Variants in STARD9 observed in about 807,000 individuals in gnomAD.
STARD9 encodes the protein stAR-related lipid transfer protein 9.
Under a neutral mutation model 399.8 loss-of-function variants are expected in STARD9, and 346 were observed. That is an observed-to-expected ratio of 0.87 (90% CI 0.79 to 0.95). The LOEUF is 0.95. STARD9 is among the 40% of genes least tolerant of loss of function. The pLI is 0.00. For synonymous variants in STARD9, 2,203 were observed against 2,143.5 expected, an observed-to-expected ratio of 1.03 and a Z score of -0.77; for missense variants, 5,832 against 5,667.5, an observed-to-expected ratio of 1.03 and a Z score of -0.93.
chr15:42,685,950 C>T lies in STARD9; in HGVS notation c.4372C>T (p.His1458Tyr). ...MTQQGSSEAS[H>Y]NSSVSNVLAA... ...CCAGCAGGGCAGCTCTGAAGCATCC[C>T]ACAATTCTAGCGTATCAAACGTGCT... The change falls in exon 23 of 33, where the codon CAC becomes TAC. Residue 1458 changes from histidine to tyrosine, a missense_variant. Coordinates refer to ENST00000290607, the MANE Select transcript of STARD9 (RefSeq NM_020759.3). The T allele has an allele frequency of 1.3e-6, 2 of 1,537,186 alleles. No individual in the cohort carries two copies. Among genetic ancestry groups the T allele is most frequent in the Non-Finnish European group, 1.7e-6 (2 of 1,146,914 alleles).
In STARD9 at chr15:42,707,797, G is replaced by T. The variant is rs188247542; in HGVS notation, c.13285-8880G>T. Among the ~76,000 whole-genome samples, 392 of 152,042 alleles carry T rather than the reference G, an allele frequency of 2.6e-3. 1 individual carries two copies. The highest frequency in any genetic ancestry group is 6.8e-3 in the Middle Eastern group (2 of 294). On this transcript the variant is annotated intron_variant, in intron 26 of 32. Transcript: ENST00000290607. Reference sequence around the variant, plus strand: ...ACAACATACACAACAATCACTTTTTGCAAGAACACATACAAACAAAAAGAT... The same window carrying T: ...ACAACATACACAACAATCACTTTTTTCAAGAACACATACAAACAAAAAGAT...
intron 7 of STARD9, among the ~76,000 whole-genome samples, chr15:42,642,391 A>G (rs1595693005): frequency 6.6e-6 from 1 of 152,384 alleles, no homozygotes; most frequent in East Asian, 1.9e-4. Flanking sequence ...GGCCTGCCCA[A>G]AGCACACATA....
At position 42,638,050 on chromosome 15, in the gene STARD9, T is replaced by G. The variant is rs1479895143; in HGVS notation, c.409T>G (p.Cys137Gly). ...GGGTCTCTTCGTCAGGGAGAAAGAC[T>G]GTGCCTCACTGCCTTCCTCCTGTAG... The part of the protein sequence containing the change: ...CEGLFVREKD[C>G]ASLPSSCRIK... Residue 137 changes from cysteine (C) to glycine (G), a missense_variant, in exon 6 of 33, where the codon TGT becomes GGT. Cys to Gly is a radical substitution (Grantham distance 159). This residue lies in a region of STARD9 where 5,828 missense variants were observed against 5,651.1 expected (regional missense o/e 1.03). Coordinates refer to ENST00000290607, the MANE Select transcript of STARD9 (RefSeq NM_020759.3). 6.5e-7 allele frequency: 1 copy of G among 1,537,338 alleles called. No homozygotes were observed. Among genetic ancestry groups the G allele is most frequent in the Admixed American group, 2.0e-5 (1 of 50,988 alleles).
intron 1 of STARD9, chr15:42,581,531 G>C (rs2058169935): frequency 1.5e-6 from 2 of 1,323,264 alleles, no homozygotes; most frequent in Non-Finnish European, 2.1e-6. Flanking sequence ...CGGGTAGGCG[G>C]CGGCGCCGGG....
rs552989394 is a variant in STARD9, at chr15:42,578,882, T to C, written c.47+3120T>C. ...CAAAGTTCTGCAGACATCCTTCCTTTCTTCTTTCTAAAATGTGTTCACAAA... is the reference window on the plus strand; with the variant it reads ...CAAAGTTCTGCAGACATCCTTCCTTCCTTCTTTCTAAAATGTGTTCACAAA... On this transcript the variant is annotated intron_variant, in intron 1 of 32. Coordinates refer to ENST00000290607, the MANE Select transcript of STARD9 (RefSeq NM_020759.3). Among the ~76,000 whole-genome samples, 75 of 152,276 alleles carry C rather than the reference T, an allele frequency of 4.9e-4. No homozygotes were observed. In the South Asian group the frequency reaches 0.014, roughly 29 times the overall value.
At chr15:42,695,975 G>T in intron 26 of STARD9, 95 bp downstream of exon 26, 3 of 1,369,550 alleles carry the variant, frequency 2.2e-6, no homozygotes, top group Non-Finnish European at 2.9e-6. Context: ...TGGGCAAGAC[G>T]CCGTGCCTCC....
At chr15:42,581,513 T>A in intron 1 of STARD9, 1 of 1,443,456 alleles carries the variant, frequency 6.9e-7, no homozygotes, top group South Asian at 1.2e-5. Flanking sequence ...GCTCTGGGCT[T>A]TGTGTGGCGG....
chr15:42,714,771 C>T (rs937606882), intron 26 of STARD9, among the ~76,000 whole-genome samples: 1 of 152,048 alleles, frequency 6.6e-6, no homozygotes, highest in African/African-American at 2.4e-5. Flanking sequence ...TATACTCCTC[C>T]ATCTCCCAGT....
rs1296296117 is a variant in STARD9 at position 42,691,851 on chromosome 15, T to C, written c.10273T>C (p.Trp3425Arg). ...HMPTPDFTTS[W>R]MSGTLEQAQQ... ...GCCAACCCCTGATTTCACGACCAGC[T>C]GGATGTCTGGTACTTTGGAACAAGC... The change falls in exon 23 of 33, where the codon TGG becomes CGG. Residue 3425 changes from tryptophan (W) to arginine (R), a missense_variant. Trp to Arg is a moderately radical substitution (Grantham distance 101). Coordinates refer to ENST00000290607, the MANE Select transcript of STARD9 (RefSeq NM_020759.3). 3 of 1,537,234 alleles carry C rather than the reference T, an allele frequency of 2.0e-6. No homozygotes were observed. The highest frequency in any genetic ancestry group is 2.6e-6 in the Non-Finnish European group (3 of 1,146,896).
chr15:42,591,326 A>G (rs888994043), intron 3 of STARD9, among the ~76,000 whole-genome samples: 3 of 152,204 alleles, frequency 2.0e-5, no homozygotes, highest in Non-Finnish European at 2.9e-5. Context: ...TGTCTCTACT[A>G]AAGATACAGA....
chr15:42,625,645 C>CTGTTT lies in STARD9; in HGVS notation c.235-9210_235-9209insGTTTT, dbSNP rs757765153. Among the ~76,000 whole-genome samples, 3 of 24,284 alleles carry CTGTTT rather than the reference C, an allele frequency of 1.2e-4. No individual in the cohort carries two copies. The Admixed American group carries it at 1.8e-3, about 15-fold the overall frequency. The allele number at this position is 24,284 out of a possible 152,430, so 15.9% of individuals were successfully genotyped here. A position where few individuals can be genotyped will look rare whatever the true frequency, so the allele number is the denominator to read the frequency against. On this transcript the variant is annotated intron_variant, in intron 3 of 32. Transcript: ENST00000290607. ...ATGCCTGGCTGCTATTTTCTTCTTCCTATTTTTTTTTTTTTTTAGGTAGAT... is the reference window on the plus strand; with the variant it reads ...ATGCCTGGCTGCTATTTTCTTCTTCCTGTTTTATTTTTTTTTTTTTTTAGGTAGAT...
At chr15:42,601,287 G>A (rs1197545) in intron 3 of STARD9, among the ~76,000 whole-genome samples, 117,657 of 152,076 alleles carry the variant, frequency 0.77, 46,886 homozygotes, top group Non-Finnish European at 0.88. Context: ...CACAGTAACA[G>A]TCTGATCTCT....
At position 42,719,527 on chromosome 15, in the gene STARD9, C is replaced by A. The variant is rs939420701; in HGVS notation, c.14056C>A (p.Arg4686=). 1.3e-6 allele frequency: 2 copies of A among 1,537,074 alleles called. No homozygotes were observed. Among genetic ancestry groups the A allele is most frequent in the East Asian group, 2.4e-5 (1 of 40,926 alleles). ...PPQLLSSFIK[R]QPLVIARLAS... ...TCAGCTCCTGAGCTCTTTCATCAAA[C>A]GGCAGCCACTGGTTATAGCCAGACT... Residue 4686 remains arginine (R), a synonymous_variant, in exon 33 of 33, where the codon CGG becomes AGG. Transcript: ENST00000290607.
Position 42,686,222 on chromosome 15 carries a change from A to G in STARD9, c.4644A>G (p.Pro1548=). The G allele has an allele frequency of 1.3e-6, 2 of 1,537,742 alleles. No individual in the cohort carries two copies. Among genetic ancestry groups the G allele is most frequent in the Non-Finnish European group, 1.7e-6 (2 of 1,147,020 alleles). The part of the protein sequence containing the change: ...VSSNLNLNNF[P]VHLSRIRRLR... ...GCAATCTGAATCTCAACAACTTTCC[A>G]GTCCATCTGTCCAGAATCAGGCGTT... is the stretch of plus-strand genomic sequence containing the variant. The change falls in exon 23 of 33, where the codon CCA becomes CCG. Residue 1548 remains proline, a synonymous_variant. Coordinates refer to ENST00000290607, the MANE Select transcript of STARD9 (RefSeq NM_020759.3).
intron 11 of STARD9, 78 bp from the exon 12 acceptor site, chr15:42,663,203 T>A (rs2060022891): frequency 1.3e-5 from 17 of 1,289,432 alleles, no homozygotes; most frequent in Non-Finnish European, 1.7e-5. Flanking sequence ...AAGTCTGTGT[T>A]CTCCAACCAT....
At chr15:42,682,017 C>T (rs2060441076) in intron 21 of STARD9, 87 bp from the exon 22 acceptor site, 1 of 899,124 alleles carries the variant, frequency 1.1e-6, no homozygotes, top group African/African-American at 1.7e-5. Flanking sequence ...CACACAGGTC[C>T]AGCCATGGCT....
intron 1 of STARD9, among the ~76,000 whole-genome samples, chr15:42,580,302 T>TC (rs571385368): frequency 6.4e-4 from 98 of 152,074 alleles, no homozygotes; most frequent in South Asian, 5.4e-3. Flanking sequence ...TTTTTATCAT[T>TC]CCCCCCTGCT....
intron 9 of STARD9, among the ~76,000 whole-genome samples, chr15:42,659,608 C>G (rs924615631): frequency 2.0e-5 from 3 of 152,208 alleles, no homozygotes; most frequent in Non-Finnish European, 4.4e-5. Flanking sequence ...CTCACTGCAG[C>G]CTCTGCCTCC....
intron 3 of STARD9, among the ~76,000 whole-genome samples, chr15:42,591,673 C>T (rs2058397112): frequency 6.6e-6 from 1 of 152,116 alleles, no homozygotes; most frequent in Admixed American, 6.5e-5. Flanking sequence ...ATATTTACAG[C>T]CTCAAAAGAT....
Sources: gnomAD v4.1 joint callset for allele counts (sites outside exome capture counted in the v4.1 genomes callset) on GRCh38, gnomAD v4.1.1 for gene constraint, gnomAD v4.1.1 regional missense constraint, MANE v1.5 for transcripts, NCBI Gene and HGNC (gene_info 2026-07-23, HGNC 2026-07-21) for gene names.